The following MEGF11 variants were observed in gnomAD, a reference collection of about 807,000 sequenced individuals.
MEGF11 encodes multiple EGF like domains 11.
MEGF11 carries 126 observed loss-of-function variants against 146.6 expected under a neutral mutation model. The ratio of observed to expected loss-of-function variants is 0.86; its 90% CI spans 0.74 to 1.00. The LOEUF is 1.00. Ranked by LOEUF, MEGF11 falls within the 50% of genes least tolerant of loss-of-function variation. The pLI is 0.00. For synonymous variants in MEGF11, 532 were observed against 583.4 expected (o/e 0.91, Z 1.27); for missense variants, 1,509 against 1,521.2 (o/e 0.99, Z 0.13).
In MEGF11 at chr15:66,084,536, C is replaced by T. The variant is rs544457424; in HGVS notation, c.394+9866G>A. Among the ~76,000 whole-genome samples, 22 of 152,258 alleles carry T rather than the reference C, an allele frequency of 1.4e-4. 1 individual carries two copies. The South Asian group carries it at 4.6e-3, about 32-fold the overall frequency. On this transcript the variant is annotated intron_variant, in intron 5 of 25. Coordinates refer to ENST00000395614, the MANE Select transcript of MEGF11 (RefSeq NM_001385028.1). ...GAGACCCTCCTCTCCCGAACACACC[C>T]CCCCACTGGAGAGGCTGAAGTCTGT... is the stretch of plus-strand genomic sequence containing the variant.
chr15:66,249,452 C>T (rs190102882), intron 1 of MEGF11, among the ~76,000 whole-genome samples: 7 of 152,284 alleles, frequency 4.6e-5, no homozygotes, highest in Admixed American at 1.3e-4. Context: ...ACAGAGCCAC[C>T]GGGCATGGAG....
At chr15:66,187,664 G>A (rs904075141) in intron 1 of MEGF11, among the ~76,000 whole-genome samples, 1 of 145,770 alleles carries the variant, frequency 6.9e-6, no homozygotes, top group Non-Finnish European at 1.5e-5. Context: ...CCCTCGGAGG[G>A]GAGGAGCAAT....
intron 5 of MEGF11, among the ~76,000 whole-genome samples, chr15:66,059,597 C>T (rs1191614030): frequency 2.0e-5 from 3 of 151,922 alleles, no homozygotes; most frequent in African/African-American, 7.3e-5. Flanking sequence ...TCCCAGAGAC[C>T]CCCCACAGCG....
intron 20 of MEGF11, 185 bp from the exon 21 acceptor site, chr15:65,912,385 C>T (rs1448070628): frequency 2.6e-6 from 1 of 383,674 alleles, no homozygotes; most frequent in African/African-American, 2.1e-5. Context: ...TGATTTGCTC[C>T]TTCCCTTACG....
chr15:65,925,021 T>C (rs2079321303), intron 13 of MEGF11, among the ~76,000 whole-genome samples: 1 of 152,222 alleles, frequency 6.6e-6, no homozygotes, highest in Non-Finnish European at 1.5e-5. Context: ...GGAGCTTTGC[T>C]GTCCACAGGG....
intron 4 of MEGF11, among the ~76,000 whole-genome samples, chr15:66,100,063 C>G (rs2086722909): frequency 6.6e-6 from 1 of 150,396 alleles, no homozygotes; most frequent in Admixed American, 6.6e-5. Context: ...TCATGAAGCC[C>G]CAGTGGTTGC....
At chr15:66,014,838 C>T (rs1479568212) in intron 5 of MEGF11, among the ~76,000 whole-genome samples, 1 of 152,172 alleles carries the variant, frequency 6.6e-6, no homozygotes, top group East Asian at 1.9e-4. Flanking sequence ...GGTCAGACAG[C>T]CCTCCCCAGA....
At chr15:66,166,256 T>G (rs930145619) in intron 1 of MEGF11, among the ~76,000 whole-genome samples, 3 of 152,172 alleles carry the variant, frequency 2.0e-5, no homozygotes, top group Non-Finnish European at 4.4e-5. Context: ...ATACTGCTAC[T>G]GGAGTCACAC....
rs768764833 is a variant in MEGF11 at position 65,982,247 on chromosome 15, G to A, written c.636C>T (p.Gly212=). 1.2e-4 allele frequency: 175 copies of A among 1,463,290 alleles called. No homozygotes were observed. The highest frequency in any genetic ancestry group is 2.0e-4 in the Middle Eastern group (1 of 4,946). The allele number at this position is 1,463,290 out of a possible 1,614,324, so 90.6% of individuals were successfully genotyped here. ...GGTCCTGCCGCATGACTCACTAGACGCCGGTGTAGCCAGGTGCGCAGAGGC... is the reference window on the plus strand; with the variant it reads ...GGTCCTGCCGCATGACTCACTAGACACCGGTGTAGCCAGGTGCGCAGAGGC... ...GECLCAPGYT[G]VYCEELCPPG... The change falls in exon 6 of 26, where the codon GGC becomes GGT. Residue 212 remains glycine (G), a synonymous_variant. Transcript: ENST00000395614. The surrounding 1 kb of genome is among the most constrained non-coding windows in gnomAD (Gnocchi z 5.6).
chr15:66,219,682 A>G (rs2140157361), intron 1 of MEGF11, among the ~76,000 whole-genome samples: 1 of 141,642 alleles, frequency 7.1e-6, no homozygotes, highest in Admixed American at 7.6e-5. Flanking sequence ...TGTGCTTGGC[A>G]AGTGGCACTG....
At chr15:66,006,480 C>T (rs373711444) in intron 5 of MEGF11, among the ~76,000 whole-genome samples, 1 of 152,138 alleles carries the variant, frequency 6.6e-6, no homozygotes, top group Non-Finnish European at 1.5e-5. Flanking sequence ...TTTCTCCTTC[C>T]CCCATTCTCC....
At chr15:65,980,948 G>T in intron 6 of MEGF11, 50 bp from the exon 7 acceptor site, 2 of 1,500,210 alleles carry the variant, frequency 1.3e-6, no homozygotes. Context: ...AGATCAGGTG[G>T]CAGGGCCCCA....
intron 1 of MEGF11, among the ~76,000 whole-genome samples, chr15:66,245,864 C>T (rs1393275571): frequency 6.6e-6 from 1 of 152,162 alleles, no homozygotes; most frequent in Non-Finnish European, 1.5e-5. Flanking sequence ...CTGAGGATGG[C>T]AGAGTAGGAT....
intron 5 of MEGF11, among the ~76,000 whole-genome samples, chr15:66,048,092 T>G (rs767886277): frequency 6.6e-6 from 1 of 152,064 alleles, no homozygotes; most frequent in African/African-American, 2.4e-5. Flanking sequence ...ACTACAGGCA[T>G]GTACCACCAC....
intron 1 of MEGF11, among the ~76,000 whole-genome samples, chr15:66,212,058 G>T (rs1003830824): frequency 0.07 from 67 of 964 alleles, no homozygotes; most frequent in Non-Finnish European, 0.13. Context: ...GCCCAGGCAG[G>T]GGGAGACAGC....
At chr15:65,904,955 C>T (rs943330026) in intron 24 of MEGF11, among the ~76,000 whole-genome samples, 2 of 152,178 alleles carry the variant, frequency 1.3e-5, no homozygotes, top group Non-Finnish European at 2.9e-5. Flanking sequence ...TGCAGTGGCA[C>T]GATCTGGGTT....
intron 5 of MEGF11, among the ~76,000 whole-genome samples, chr15:66,020,293 T>G (rs1459490943): frequency 6.6e-6 from 1 of 152,204 alleles, no homozygotes; most frequent in African/African-American, 2.4e-5. Flanking sequence ...GCTGGGAGAC[T>G]GTGGTCCTGG....
rs1004872315 is a variant in MEGF11 at position 65,924,297 on chromosome 15, T to A, written c.1676-1328A>T. On this transcript the variant is annotated intron_variant, in intron 13 of 25. Transcript: ENST00000395614. ...ATCTGTGCTCCCTCCCTGTAATGTC[T>A]CAGTTTTGCAGCAGGGTAGAGGCTT... 2.4e-4 allele frequency among the ~76,000 whole-genome samples: 35 copies of A among 145,378 alleles called. 1 individual carries two copies. The highest frequency in any genetic ancestry group is 8.1e-4 in the African/African-American group (32 of 39,326).
chr15:66,060,422 T>C (rs1567222641), intron 5 of MEGF11, among the ~76,000 whole-genome samples: 1 of 152,220 alleles, frequency 6.6e-6, no homozygotes, highest in African/African-American at 2.4e-5. Flanking sequence ...CAGCTACTGC[T>C]GCTCTAAGCT....
Sources: allele counts gnomAD v4.1 joint callset (sites outside exome capture counted in the v4.1 genomes callset), GRCh38; gene constraint gnomAD v4.1.1; non-coding constraint Gnocchi (gnomAD v3.1); transcripts MANE v1.5; gene names NCBI Gene and HGNC (gene_info 2026-07-23, HGNC 2026-07-21).